Variants in SOCS7 observed in about 807,000 individuals in gnomAD.
SOCS7 encodes NAP-4.
A neutral mutation model predicts 58.9 loss-of-function variants in SOCS7; 18 were observed. The observed-to-expected ratio is 0.31, with a 90% CI of 0.21 to 0.45. The LOEUF is 0.45. Among genes scored for constraint, SOCS7 ranks in the 20% least tolerant of loss-of-function variants. SOCS7 has a pLI of 1.00. For synonymous variants in SOCS7, 388 were observed against 364.3 expected (o/e 1.06, Z -0.74); for missense variants, 667 against 837.3 (o/e 0.80, Z 2.51).
At chr17:38,375,141 G>A (rs544899078) in intron 6 of SOCS7, among the ~76,000 whole-genome samples, 33 of 152,134 alleles carry the variant, frequency 2.2e-4, no homozygotes, top group Admixed American at 4.6e-4. Flanking sequence ...GATGCAGTGA[G>A]CTGTGATCAT....
intron 7 of SOCS7, among the ~76,000 whole-genome samples, chr17:38,394,049 T>G (rs2038213235): frequency 6.6e-6 from 1 of 152,252 alleles, no homozygotes; most frequent in Non-Finnish European, 1.5e-5. Flanking sequence ...TCAGATTTTC[T>G]CAAAGAATCT....
intron 6 of SOCS7, among the ~76,000 whole-genome samples, chr17:38,372,660 A>G (rs146687755): frequency 3.5e-4 from 53 of 152,348 alleles, no homozygotes; most frequent in African/African-American, 1.2e-3. Context: ...GGGACCCACT[A>G]GTGCCACTAG....
rs1480026118 is a variant in SOCS7 at position 38,351,905 on chromosome 17, G to GC, written c.-142dup. Among the ~76,000 whole-genome samples, 1 of 149,014 alleles carries GC rather than the reference G, an allele frequency of 6.7e-6. No individual in the cohort carries two copies. The highest frequency in any genetic ancestry group is 1.5e-5 in the Non-Finnish European group (1 of 66,790). ...CCTGGGCTCGCGCTGGGCTCCGCGC[G>GC]CCCCCCGCCCCCCTCTATGAGGCAG... On this transcript the variant is annotated 5_prime_UTR_variant, in exon 1 of 10. Coordinates refer to ENST00000612932, the MANE Select transcript of SOCS7 (RefSeq NM_014598.4).
chr17:38,366,774 G>C (rs1423821168), intron 5 of SOCS7, among the ~76,000 whole-genome samples: 1 of 152,150 alleles, frequency 6.6e-6, no homozygotes, highest in Non-Finnish European at 1.5e-5. Flanking sequence ...AGGATTATAG[G>C]CGTAAGCCAC....
At chr17:38,380,479 A>C (rs2037986556) in intron 7 of SOCS7, among the ~76,000 whole-genome samples, 2 of 151,866 alleles carry the variant, frequency 1.3e-5, no homozygotes, top group Admixed American at 6.6e-5. Context: ...AAAAATACAA[A>C]ATTAGCCAGG....
intron 7 of SOCS7, among the ~76,000 whole-genome samples, chr17:38,382,738 C>T (rs898982326): frequency 2.0e-5 from 3 of 152,162 alleles, no homozygotes; most frequent in East Asian, 1.9e-4. Flanking sequence ...CCACCTGCCT[C>T]AACCTCCCAA....
intron 7 of SOCS7, among the ~76,000 whole-genome samples, chr17:38,394,705 T>C (rs539999186): frequency 3.5e-4 from 53 of 152,306 alleles, no homozygotes; most frequent in African/African-American, 1.2e-3. Flanking sequence ...GCAGTGTCTC[T>C]AGTTTGGCAT....
chr17:38,353,096 T>C (rs537146325), intron 1 of SOCS7, 64 bp downstream of exon 1: 3 of 1,401,778 alleles, frequency 2.1e-6, no homozygotes, highest in Non-Finnish European at 2.8e-6. Context: ...TTTTTATCTA[T>C]TGCTATCGCG....
chr17:38,352,865 G>A lies in SOCS7; in HGVS notation c.813G>A (p.Lys271=). 1.9e-6 allele frequency: 3 copies of A among 1,591,304 alleles called. No individual in the cohort carries two copies. The highest frequency in any genetic ancestry group is 2.6e-6 in the Non-Finnish European group (3 of 1,169,558). Residue 271 remains lysine (K), a synonymous_variant, in exon 1 of 10, where the codon AAG becomes AAA. Coordinates refer to ENST00000612932, the MANE Select transcript of SOCS7 (RefSeq NM_014598.4). This position sits in a 1 kb window ranked among gnomAD's most constrained non-coding sequence, Gnocchi z 5.5. The part of the protein sequence containing the change: ...PLRPLAGPSR[K]GSFKIRLSRL... The stretch of plus-strand genomic sequence containing the variant: ...GGCCACTCGCGGGTCCTTCTCGGAA[G>A]GGCTCCTTCAAAATCCGCCTCAGTC...
chr17:38,354,685 A>G lies in SOCS7; in HGVS notation c.980+1653A>G, dbSNP rs587642184. On this transcript the variant is annotated intron_variant, in intron 1 of 9. Transcript: ENST00000612932. ...CTCTGTATTCGATGCTCCACTTACC[A>G]GCACAGATGAAATTTTCATCAGATG... Among the ~76,000 whole-genome samples, 3 of 152,312 alleles carry G rather than the reference A, an allele frequency of 2.0e-5. No individual in the cohort carries two copies. The South Asian group carries it at 6.2e-4, about 32-fold the overall frequency.
chr17:38,380,310 C>A (rs1037174198), intron 7 of SOCS7, among the ~76,000 whole-genome samples: 1 of 151,894 alleles, frequency 6.6e-6, no homozygotes, highest in African/African-American at 2.4e-5. Context: ...ACAACAACCT[C>A]AAAGTTAGGT....
intron 3 of SOCS7, 43 bp downstream of exon 3, chr17:38,364,899 G>C: frequency 6.8e-7 from 1 of 1,478,674 alleles, no homozygotes; most frequent in Non-Finnish European, 9.4e-7. Context: ...TAGTGGGAGG[G>C]TGAGCTCCAG....
At chr17:38,353,130 G>T (rs2037583428) in intron 1 of SOCS7, 98 bp downstream of exon 1, 1 of 1,165,364 alleles carries the variant, frequency 8.6e-7, no homozygotes, top group Non-Finnish European at 1.2e-6. Context: ...TTAAGATAGG[G>T]TCTTCAGGAG....
At chr17:38,372,737 G>A (rs1202578639) in intron 6 of SOCS7, among the ~76,000 whole-genome samples, 1 of 152,186 alleles carries the variant, frequency 6.6e-6, no homozygotes, top group Non-Finnish European at 1.5e-5. Flanking sequence ...TGCTCAGTTT[G>A]TACATAGTTT....
chr17:38,396,072 C>T, intron 9 of SOCS7, 74 bp downstream of exon 9: 7 of 1,269,742 alleles, frequency 5.5e-6, no homozygotes, highest in Non-Finnish European at 7.4e-6. Context: ...AGCCTTGGGC[C>T]CCCTCCCCAC....
At chr17:38,365,621 T>G (rs970749171) in intron 4 of SOCS7, 1 of 428,242 alleles carries the variant, frequency 2.3e-6, no homozygotes, top group African/African-American at 2.0e-5. Context: ...CTGATTTTTG[T>G]TAGGGATGAA....
intron 7 of SOCS7, among the ~76,000 whole-genome samples, chr17:38,388,679 C>T (rs2038112486): frequency 6.6e-6 from 1 of 152,196 alleles, no homozygotes; most frequent in Non-Finnish European, 1.5e-5. Context: ...CTGGCCCCTA[C>T]CAACCACTAA....
At chr17:38,392,501 G>C (rs562611517) in intron 7 of SOCS7, among the ~76,000 whole-genome samples, 1 of 152,296 alleles carries the variant, frequency 6.6e-6, no homozygotes, top group South Asian at 2.1e-4. Flanking sequence ...ATACCAGTGA[G>C]GGACAGGACA....
At chr17:38,375,818 A>AC (rs1356371211) in intron 6 of SOCS7, 1 of 151,256 alleles carries the variant, frequency 6.6e-6, no homozygotes, top group African/African-American at 2.4e-5. Flanking sequence ...GTATAACAAA[A>AC]CCAATTTTTT....
Sources: allele counts gnomAD v4.1 joint callset (sites outside exome capture counted in the v4.1 genomes callset), GRCh38; gene constraint gnomAD v4.1.1; non-coding constraint Gnocchi (gnomAD v3.1); transcripts MANE v1.5; gene names NCBI Gene and HGNC (gene_info 2026-07-23, HGNC 2026-07-21).